Variants in CTPS2 observed in about 807,000 individuals in gnomAD.
CTPS2 encodes the protein CTP synthase II.
CTPS2 carries 19 observed loss-of-function variants against 46.8 expected under a neutral mutation model. The observed-to-expected ratio is 0.41, with a 90% CI of 0.28 to 0.60. The LOEUF (loss-of-function observed/expected upper bound fraction) is 0.60, where lower values mean the gene tolerates loss of function less well. Ranked by LOEUF, CTPS2 falls within the 20% of genes least tolerant of loss-of-function variation. CTPS2 has a pLI of 0.35. For synonymous variants in CTPS2, 151 were observed against 165.2 expected, an observed-to-expected ratio of 0.91 and a Z score of 0.66; for missense variants, 286 against 447.6, an observed-to-expected ratio of 0.64 and a Z score of 3.26.
chrX:16,703,413 C>T (rs1027816286), intron 1 of CTPS2, among the ~76,000 whole-genome samples: 1 of 110,263 alleles, frequency 9.1e-6, no homozygotes, highest in Non-Finnish European at 1.9e-5. Context: ...TCACTGCAAC[C>T]TTGAACTTCT....
intron 8 of CTPS2, among the ~76,000 whole-genome samples, chrX:16,687,116 T>G (rs778371007): frequency 2.4e-4 from 27 of 110,269 alleles, no homozygotes; most frequent in Non-Finnish European, 4.2e-4. Context: ...GAGAATAAAT[T>G]CCTGTTGTGT....
At chrX:16,663,102 T>A (rs1489735583) in intron 13 of CTPS2, among the ~76,000 whole-genome samples, 1 of 111,421 alleles carries the variant, frequency 9.0e-6, no homozygotes, top group Non-Finnish European at 1.9e-5. Context: ...ATGATCAGTA[T>A]ATAAAGCAAG....
chrX:16,659,747 T>C (rs1238624907), intron 13 of CTPS2, among the ~76,000 whole-genome samples: 3 of 111,913 alleles, frequency 2.7e-5, no homozygotes, highest in Non-Finnish European at 5.6e-5. Flanking sequence ...TACTGTTGTG[T>C]GTGTGTGATG....
At chrX:16,591,031 A>C (rs772499820) in intron 17 of CTPS2, 169 bp from the exon 18 acceptor site, 1 of 350,085 alleles carries the variant, frequency 2.9e-6, no homozygotes, top group African/African-American at 2.6e-5. Context: ...CAGTCCAATC[A>C]CATGCAATGG....
chrX:16,682,915 G>A (rs1371849418), intron 9 of CTPS2, among the ~76,000 whole-genome samples, 179 bp downstream of exon 9: 1 of 112,084 alleles, frequency 8.9e-6, no homozygotes, highest in Admixed American at 9.6e-5. Context: ...GCTTTGCATT[G>A]TCTGGCTATA....
intron 2 of CTPS2, among the ~76,000 whole-genome samples, chrX:16,701,179 C>CT (rs1312670110): frequency 8.0e-5 from 9 of 111,853 alleles, no homozygotes; most frequent in African/African-American, 2.9e-4. Flanking sequence ...TCAAAGAACT[C>CT]TAAATTAAAA....
In CTPS2 at chrX:16,658,729, C is replaced by T. The variant is rs541674867; in HGVS notation, c.1296+8785G>A. 2.6e-4 allele frequency among the ~76,000 whole-genome samples: 29 copies of T among 112,378 alleles called. No individual in the cohort carries two copies. The Middle Eastern group carries it at 0.018, about 71-fold the overall frequency. On this transcript the variant is annotated intron_variant, in intron 13 of 18. Coordinates refer to ENST00000359276, the MANE Select transcript of CTPS2 (RefSeq NM_175859.3). ...GTCTCATTTTAACAACTGTTTTGTT[C>T]ACGATGGTGCACATTTTTTATTTGT...
chrX:16,651,453 G>A (rs1932627181), intron 13 of CTPS2, among the ~76,000 whole-genome samples: 1 of 111,780 alleles, frequency 8.9e-6, no homozygotes, highest in Non-Finnish European at 1.9e-5. Context: ...CCTTCAGCAT[G>A]GATTCAGTAC....
chrX:16,645,621 G>C (rs762278828), intron 13 of CTPS2, among the ~76,000 whole-genome samples: 1 of 112,250 alleles, frequency 8.9e-6, no homozygotes, highest in African/African-American at 3.2e-5. Context: ...CCATAAGTAC[G>C]TATGTATTTT....
rs1039832444 is a variant in CTPS2, at chrX:16,712,404, G to A, written c.-109C>T. ...GCGGGCTCCACCCCGCGGCTGGCCTGGCGCTCACCTGTCGGGCTGGGGAAG... is the reference window on the plus strand; with the variant it reads ...GCGGGCTCCACCCCGCGGCTGGCCTAGCGCTCACCTGTCGGGCTGGGGAAG... On this transcript the variant is annotated 5_prime_UTR_variant, in exon 1 of 19. Transcript: ENST00000359276. 2 of 112,405 alleles carry A rather than the reference G, an allele frequency of 1.8e-5. No homozygotes were observed. Among genetic ancestry groups the A allele is most frequent in the Non-Finnish European group, 3.8e-5 (2 of 53,117 alleles). The allele number at this position is 112,405 out of a possible 1,213,427, so 9.3% of individuals were successfully genotyped here.
chrX:16,691,028 AC>A (rs1201140839), intron 7 of CTPS2, among the ~76,000 whole-genome samples: 1 of 112,489 alleles, frequency 8.9e-6, no homozygotes. Flanking sequence ...TTAAACACCC[AC>A]CCTGGTACTG....
chrX:16,665,523 G>T (rs186388281), intron 13 of CTPS2, among the ~76,000 whole-genome samples: 5 of 112,061 alleles, frequency 4.5e-5, no homozygotes, highest in African/African-American at 1.6e-4. Flanking sequence ...GTCACAAAAG[G>T]CTACATATTG....
In CTPS2 at chrX:16,650,887, C is replaced by T. The variant is rs1932587827; in HGVS notation, c.1297-11644G>A. ...CCGACATTCTCTTTTCCTTATTCTT[C>T]CCCATTTATGCCAAGGAAATGGCCC... On this transcript the variant is annotated intron_variant, in intron 13 of 18. Coordinates refer to ENST00000359276, the MANE Select transcript of CTPS2 (RefSeq NM_175859.3). The T allele has an allele frequency of 1.4e-5, 8 of 592,193 alleles. No homozygotes were observed. The South Asian group carries it at 2.3e-4, about 17-fold the overall frequency. The allele number at this position is 592,193 out of a possible 1,213,427, so 48.8% of individuals were successfully genotyped here. A position where few individuals can be genotyped will look rare whatever the true frequency, so the allele number is the denominator to read the frequency against.
chrX:16,638,174 C>G (rs1461401480), intron 14 of CTPS2, among the ~76,000 whole-genome samples: 1 of 106,987 alleles, frequency 9.3e-6, no homozygotes. Flanking sequence ...AGAATGACGT[C>G]AACCCAGGAG....
chrX:16,627,672 C>A (rs1353234749), intron 14 of CTPS2, among the ~76,000 whole-genome samples: 1 of 111,776 alleles, frequency 8.9e-6, no homozygotes, highest in African/African-American at 3.3e-5. Context: ...TGTCTGCATG[C>A]CCTACTGGCC....
chrX:16,706,929 G>C (rs1371539056), intron 1 of CTPS2, among the ~76,000 whole-genome samples: 1 of 108,864 alleles, frequency 9.2e-6, no homozygotes, highest in African/African-American at 3.3e-5. Context: ...TGTAATCCCA[G>C]CTACTCGGGA....
chrX:16,592,614 A>T (rs1928970813), intron 17 of CTPS2, among the ~76,000 whole-genome samples: 1 of 111,264 alleles, frequency 9.0e-6, no homozygotes, highest in African/African-American at 3.3e-5. Context: ...GAGGACTAAG[A>T]CGTGCATATT....
chrX:16,641,312 C>G (rs150173879), intron 13 of CTPS2, among the ~76,000 whole-genome samples: 1 of 112,461 alleles, frequency 8.9e-6, no homozygotes, highest in Non-Finnish European at 1.9e-5. Context: ...CACTACGACT[C>G]TTCAGTCTTC....
At position 16,691,581 on chromosome X, in the gene CTPS2, T is replaced by C; in HGVS notation, c.679A>G (p.Lys227Glu). The C allele has an allele frequency of 8.3e-7, 1 of 1,211,317 alleles. No homozygotes were observed. The highest frequency in any genetic ancestry group is 1.1e-6 in the Non-Finnish European group (1 of 894,986). The stretch of plus-strand genomic sequence containing the variant: ...TGACAAAACATAGAAATCTTCTCCT[T>C]CACGGCCATCTCAATGGGCGTTGAA... ...RSSTPIEMAV[K>E]EKISMFCHVN... Residue 227 changes from lysine to glutamate, a missense_variant, in exon 7 of 19, where the codon AAG becomes GAG. Lys to Glu is a moderately conservative substitution (Grantham distance 56, BLOSUM62 1). Coordinates refer to ENST00000359276, the MANE Select transcript of CTPS2 (RefSeq NM_175859.3).
Sources: allele counts gnomAD v4.1 joint callset (sites outside exome capture counted in the v4.1 genomes callset), GRCh38; gene constraint gnomAD v4.1.1; transcripts MANE v1.5; gene names NCBI Gene and HGNC (gene_info 2026-07-23, HGNC 2026-07-21).